The following R3HDM1 variants were observed in gnomAD, a reference collection of about 807,000 sequenced individuals.
R3HDM1 encodes R3H domain containing 1.
A neutral mutation model predicts 141.1 loss-of-function variants in R3HDM1; 46 were observed. That is an observed-to-expected ratio of 0.33 (90% CI 0.26 to 0.42). R3HDM1 has a LOEUF of 0.42. Ranked by LOEUF, R3HDM1 falls within the 10% of genes least tolerant of loss-of-function variation. R3HDM1 has a pLI of 1.00. For synonymous variants in R3HDM1, 435 were observed against 472.9 expected (o/e 0.92, Z 1.04); for missense variants, 1,184 against 1,368.3 (o/e 0.87, Z 2.12).
intron 6 of R3HDM1, 184 bp downstream of exon 6, chr2:135,621,792 A>T (rs529895359): frequency 9.3e-6 from 9 of 962,988 alleles, no homozygotes; most frequent in Non-Finnish European, 1.1e-5. Flanking sequence ...TATCAGTAAG[A>T]CGTTTCAGCC....
Position 135,690,905 on chromosome 2 carries a change from A to C in R3HDM1, c.2459+10581A>C, listed in dbSNP as rs545055293. Among the ~76,000 whole-genome samples the C allele has an allele frequency of 3.9e-5, 6 of 152,308 alleles. No homozygotes were observed. The East Asian group carries it at 1.2e-3, about 29-fold the overall frequency. ...AATGGTAATACTTTGGATTTAAATT[A>C]TTTAGGTACCTTTAAGGAATAGGAG... On this transcript the variant is annotated intron_variant, in intron 21 of 26. Coordinates refer to ENST00000683871, the MANE Select transcript of R3HDM1 (RefSeq NM_001378107.1).
At chr2:135,722,384 G>A in intron 25 of R3HDM1, 85 bp from the exon 26 acceptor site, 1 of 1,391,102 alleles carries the variant, frequency 7.2e-7, no homozygotes, top group Non-Finnish European at 9.9e-7. Context: ...CAAACTAAAG[G>A]TGTTTTGGTG....
intron 3 of R3HDM1, 86 bp from the exon 4 acceptor site, chr2:135,616,065 GT>G: frequency 1.5e-6 from 2 of 1,344,258 alleles, no homozygotes; most frequent in South Asian, 2.5e-5. Context: ...TGCACAGTTA[GT>G]TTTTCTGTGG....
intron 11 of R3HDM1, 44 bp downstream of exon 11, chr2:135,636,227 A>G: frequency 6.3e-7 from 1 of 1,582,266 alleles, no homozygotes; most frequent in Non-Finnish European, 8.6e-7. Flanking sequence ...AGTATATTCT[A>G]ATTACGTTGT....
At chr2:135,605,148 T>C in intron 3 of R3HDM1, 132 bp downstream of exon 3, 5 of 735,884 alleles carry the variant, frequency 6.8e-6, no homozygotes, top group South Asian at 2.0e-5. Flanking sequence ...TACTAGCTGG[T>C]TTTGGAGCCA....
chr2:135,543,063 G>A (rs1697960181), intron 1 of R3HDM1: 1 of 981,728 alleles, frequency 1.0e-6, no homozygotes, highest in Non-Finnish European at 1.2e-6. Context: ...AATGGGAATG[G>A]AATGTGAGGA....
At chr2:135,617,458 ACTT>A (rs933487939) in intron 5 of R3HDM1, among the ~76,000 whole-genome samples, 3 of 151,936 alleles carry the variant, frequency 2.0e-5, no homozygotes, top group East Asian at 1.9e-4. Flanking sequence ...ACCAGCCAAG[ACTT>A]CTTCTTGATA....
intron 1 of R3HDM1, among the ~76,000 whole-genome samples, chr2:135,538,046 A>G (rs1696615584): frequency 6.6e-6 from 1 of 152,234 alleles, no homozygotes; most frequent in South Asian, 2.1e-4. Flanking sequence ...GTGTCATTAG[A>G]GAGTTTTGTT....
intron 21 of R3HDM1, among the ~76,000 whole-genome samples, chr2:135,704,212 T>G (rs1403729335): frequency 6.6e-6 from 1 of 152,180 alleles, no homozygotes; most frequent in Non-Finnish European, 1.5e-5. Context: ...ACTCTTGACC[T>G]CAAGTGATCC....
At chr2:135,621,457 G>A (rs2061504600) in intron 5 of R3HDM1, 37 bp from the exon 6 acceptor site, 4 of 1,279,258 alleles carry the variant, frequency 3.1e-6, no homozygotes, top group Non-Finnish European at 4.4e-6. Context: ...GAATTGTATT[G>A]TATTTTCATT....
chr2:135,679,092 T>TTC (rs1336896621), intron 20 of R3HDM1, among the ~76,000 whole-genome samples: 11 of 102,006 alleles, frequency 1.1e-4, no homozygotes, highest in Non-Finnish European at 2.6e-4. Context: ...TTTTTTTTTT[T>TTC]TTTAAATAAA....
intron 21 of R3HDM1, among the ~76,000 whole-genome samples, chr2:135,704,887 A>C (rs2074700701): frequency 6.6e-6 from 1 of 152,204 alleles, no homozygotes; most frequent in African/African-American, 2.4e-5. Flanking sequence ...CATTTTATGA[A>C]TATACAATAA....
chr2:135,597,160 CT>C (rs1419095170), intron 1 of R3HDM1: 1 of 976,594 alleles, frequency 1.0e-6, no homozygotes, highest in East Asian at 1.1e-4. Context: ...TACCAAAAGT[CT>C]TTCCTTCTTG....
chr2:135,704,889 A>T (rs189528950), intron 21 of R3HDM1, among the ~76,000 whole-genome samples: 1 of 152,350 alleles, frequency 6.6e-6, no homozygotes, highest in African/African-American at 2.4e-5. Flanking sequence ...TTTTATGAAT[A>T]TACAATAATA....
chr2:135,614,463 A>T (rs915500114), intron 3 of R3HDM1, among the ~76,000 whole-genome samples: 2 of 152,234 alleles, frequency 1.3e-5, no homozygotes, highest in African/African-American at 4.8e-5. Flanking sequence ...TTTGTTAGCT[A>T]CGCTTTCACT....
At position 135,710,265 on chromosome 2, in the gene R3HDM1, G is replaced by A. The variant is rs371597586; in HGVS notation, c.2736+34G>A. 33 of 1,577,420 alleles carry A rather than the reference G, an allele frequency of 2.1e-5. No homozygotes were observed. In the African/African-American group the frequency reaches 3.5e-4, roughly 17 times the overall value. On this transcript the variant is annotated intron_variant, in intron 23 of 26. Coordinates refer to ENST00000683871, the MANE Select transcript of R3HDM1 (RefSeq NM_001378107.1). ...GTTTTGTTCATTATCATTTTGAAAC[G>A]TTACATTTTTGTTACCTAAGATTGA...
At chr2:135,676,463 G>A (rs1367252577) in intron 20 of R3HDM1, among the ~76,000 whole-genome samples, 1 of 152,168 alleles carries the variant, frequency 6.6e-6, no homozygotes, top group Non-Finnish European at 1.5e-5. Flanking sequence ...TAACTTGCAA[G>A]AGGGTTTATT....
intron 24 of R3HDM1, among the ~76,000 whole-genome samples, chr2:135,717,484 CA>C (rs113066395): frequency 4.7e-4 from 67 of 141,228 alleles, no homozygotes; most frequent in Middle Eastern, 3.6e-3. Context: ...CACTGCATCT[CA>C]AAAAAAAAAA....
At chr2:135,551,535 C>G (rs1699853873) in intron 1 of R3HDM1, among the ~76,000 whole-genome samples, 1 of 151,980 alleles carries the variant, frequency 6.6e-6, no homozygotes. Flanking sequence ...TATTCTTTGA[C>G]TATGCCAAGT....
Sources: allele counts gnomAD v4.1 joint callset (sites outside exome capture counted in the v4.1 genomes callset), GRCh38; gene constraint gnomAD v4.1.1; transcripts MANE v1.5; gene names NCBI Gene and HGNC (gene_info 2026-07-23, HGNC 2026-07-21).